Variants in OPCML observed in about 807,000 individuals in gnomAD.
OPCML encodes the protein opioid-binding protein/cell adhesion molecule.
Under a neutral mutation model 37.8 loss-of-function variants are expected in OPCML, and 13 were observed. The ratio of observed to expected loss-of-function variants is 0.34; its 90% CI spans 0.22 to 0.55. OPCML has a LOEUF of 0.55. OPCML is among the 20% of genes least tolerant of loss of function. The pLI is 0.91. For synonymous variants in OPCML, 176 were observed against 168.8 expected (o/e 1.04, Z -0.33); for missense variants, 341 against 435.6 (o/e 0.78, Z 1.93).
intron 4 of OPCML, among the ~76,000 whole-genome samples, chr11:132,448,515 C>T (rs1565571239): frequency 6.6e-6 from 1 of 152,156 alleles, no homozygotes; most frequent in Non-Finnish European, 1.5e-5. Context: ...AGGAGCTGTG[C>T]ACTCAAGGGG....
chr11:132,840,092 A>G (rs1941223726), intron 2 of OPCML, among the ~76,000 whole-genome samples: 1 of 152,092 alleles, frequency 6.6e-6, no homozygotes, highest in Admixed American at 6.5e-5. Flanking sequence ...GTGGAGGAAA[A>G]ATACATGAGA....
intron 2 of OPCML, among the ~76,000 whole-genome samples, chr11:132,895,613 A>G (rs144036456): frequency 8.5e-5 from 13 of 152,338 alleles, no homozygotes; most frequent in Non-Finnish European, 1.3e-4. Context: ...GAGGGCTCTG[A>G]TGAGGCTGGA....
intron 4 of OPCML, among the ~76,000 whole-genome samples, chr11:132,518,199 G>T (rs1051856507): frequency 6.6e-6 from 1 of 152,154 alleles, no homozygotes; most frequent in Admixed American, 6.6e-5. Flanking sequence ...GCATGCATTA[G>T]CTATTTATCT....
At chr11:133,317,121 C>A (rs1943221350) in intron 1 of OPCML, among the ~76,000 whole-genome samples, 1 of 152,176 alleles carries the variant, frequency 6.6e-6, no homozygotes, top group African/African-American at 2.4e-5. Flanking sequence ...TCACCTGAAC[C>A]CAGAGGCGGA....
At chr11:132,895,590 T>A (rs1591767973) in intron 2 of OPCML, among the ~76,000 whole-genome samples, 4 of 152,174 alleles carry the variant, frequency 2.6e-5, no homozygotes, top group Admixed American at 2.6e-4. Flanking sequence ...TAAGTTGAGA[T>A]GGGGATGTGT....
rs554337096 is a variant in OPCML, at chr11:133,440,859, A to G, written c.61+91405T>C. 2.0e-3 allele frequency among the ~76,000 whole-genome samples: 293 copies of G among 148,836 alleles called. 1 individual carries two copies. The highest frequency in any genetic ancestry group is 6.8e-3 in the African/African-American group (275 of 40,568). ...CATATATATATATGATTTCTATTAG[A>G]GCTTGGAGCAAGAAAAAACAAAAGA... is the stretch of plus-strand genomic sequence containing the variant. On this transcript the variant is annotated intron_variant, in intron 1 of 7. Transcript: ENST00000524381.
intron 1 of OPCML, among the ~76,000 whole-genome samples, chr11:133,002,807 A>G (rs1947033099): frequency 6.6e-6 from 1 of 151,904 alleles, no homozygotes; most frequent in Admixed American, 6.6e-5. Flanking sequence ...AGAGAGATTG[A>G]TCGTAGGTTG....
intron 4 of OPCML, among the ~76,000 whole-genome samples, chr11:132,454,956 T>A (rs2096077855): frequency 6.6e-6 from 1 of 152,200 alleles, no homozygotes; most frequent in Admixed American, 6.5e-5. Context: ...CAGTATAACA[T>A]CTGACTAACC....
intron 2 of OPCML, among the ~76,000 whole-genome samples, chr11:132,671,850 A>G (rs1942489806): frequency 1.3e-5 from 2 of 152,204 alleles, no homozygotes; most frequent in Admixed American, 1.3e-4. Context: ...AAAAGAGAAA[A>G]AAGAAAACGA....
intron 2 of OPCML, among the ~76,000 whole-genome samples, chr11:132,933,243 C>G (rs1945268210): frequency 6.6e-6 from 1 of 152,178 alleles, no homozygotes; most frequent in South Asian, 2.1e-4. Context: ...AGAGATGACT[C>G]ACATTGGCTT....
At chr11:132,989,096 G>A (rs1326498768) in intron 1 of OPCML, among the ~76,000 whole-genome samples, 2 of 152,194 alleles carry the variant, frequency 1.3e-5, no homozygotes, top group Non-Finnish European at 2.9e-5. Flanking sequence ...GAGAGGATAA[G>A]GTGCTGCTCT....
chr11:132,715,314 T>G (rs963520083), intron 2 of OPCML, among the ~76,000 whole-genome samples: 8 of 152,232 alleles, frequency 5.3e-5, no homozygotes. Flanking sequence ...GATATACAGA[T>G]GAGTAATGCA....
chr11:133,017,843 T>C (rs778480643), intron 1 of OPCML, among the ~76,000 whole-genome samples: 5 of 152,258 alleles, frequency 3.3e-5, no homozygotes, highest in Non-Finnish European at 7.3e-5. Flanking sequence ...GATCAAGGAA[T>C]AGCTGACCAG....
At chr11:132,907,808 C>T (rs1944296364) in intron 2 of OPCML, among the ~76,000 whole-genome samples, 1 of 152,112 alleles carries the variant, frequency 6.6e-6, no homozygotes, top group Non-Finnish European at 1.5e-5. Flanking sequence ...ACAGCACCAG[C>T]ACGCTATGGT....
At chr11:132,549,287 A>T (rs908729763) in intron 3 of OPCML, among the ~76,000 whole-genome samples, 2 of 152,208 alleles carry the variant, frequency 1.3e-5, no homozygotes, top group Non-Finnish European at 2.9e-5. Flanking sequence ...ATGCTATGGC[A>T]ATGTCAGGAA....
At chr11:132,901,887 G>A (rs918931136) in intron 2 of OPCML, among the ~76,000 whole-genome samples, 7 of 152,140 alleles carry the variant, frequency 4.6e-5, no homozygotes, top group Admixed American at 4.6e-4. Context: ...ATTGTACTTG[G>A]AATTCACAAG....
intron 2 of OPCML, among the ~76,000 whole-genome samples, chr11:132,730,642 A>G (rs1161849351): frequency 6.6e-6 from 1 of 152,152 alleles, no homozygotes; most frequent in Non-Finnish European, 1.5e-5. Context: ...AGGGGATGTT[A>G]GAATGTTTAC....
intron 2 of OPCML, among the ~76,000 whole-genome samples, chr11:132,744,307 T>G (rs918349835): frequency 6.6e-6 from 1 of 152,142 alleles, no homozygotes; most frequent in Non-Finnish European, 1.5e-5. Flanking sequence ...CCAGCTGAAG[T>G]TTTTCCAGCC....
intron 1 of OPCML, among the ~76,000 whole-genome samples, chr11:133,280,627 C>T (rs7934537): frequency 0.024 from 3,687 of 152,250 alleles, 126 homozygotes; most frequent in African/African-American, 0.077. Flanking sequence ...ATTGCATGTC[C>T]TGTGTCTTTT....
Sources: allele counts gnomAD v4.1 joint callset (sites outside exome capture counted in the v4.1 genomes callset), GRCh38; gene constraint gnomAD v4.1.1; transcripts MANE v1.5; gene names NCBI Gene and HGNC (gene_info 2026-07-23, HGNC 2026-07-21).